The following PCGF5 variants were observed in gnomAD, a reference collection of about 807,000 sequenced individuals.
PCGF5 encodes polycomb group RING finger protein 5.
Under a neutral mutation model 44.3 loss-of-function variants are expected in PCGF5, and 9 were observed. That is an observed-to-expected ratio of 0.20 (90% CI 0.12 to 0.35). The LOEUF (loss-of-function observed/expected upper bound fraction) is 0.35. Among genes scored for constraint, PCGF5 ranks in the 10% least tolerant of loss-of-function variants. The pLI is 1.00. For synonymous variants in PCGF5, 95 were observed against 102.5 expected (o/e 0.93, Z 0.44); for missense variants, 146 against 305.3 (o/e 0.48, Z 3.89).
In PCGF5 at chr10:91,280,911, A is replaced by G. The variant is rs1846438178; in HGVS notation, c.*2595A>G. 6.6e-6 allele frequency: 1 copy of G among 152,540 alleles called. No homozygotes were observed. Among genetic ancestry groups the G allele is most frequent in the Non-Finnish European group, 1.5e-5 (1 of 67,918 alleles). 9.4% of individuals were successfully genotyped at this position (152,540 alleles called of 1,614,324 possible). On this transcript the variant is annotated 3_prime_UTR_variant, in exon 10 of 10. Transcript: ENST00000336126. ...GAATCATCTGAATCTGTAACATCAG[A>G]GACTAAAACTAAAAGTTTTCTTTAA...
intron 1 of PCGF5, among the ~76,000 whole-genome samples, chr10:91,174,372 C>T (rs575072990): frequency 3.3e-5 from 5 of 151,898 alleles, no homozygotes; most frequent in African/African-American, 4.8e-5. Flanking sequence ...ACAGGTGTGG[C>T]GGTGCATGCC....
At chr10:91,178,401 T>TC (rs1375543852) in intron 1 of PCGF5, among the ~76,000 whole-genome samples, 1 of 151,588 alleles carries the variant, frequency 6.6e-6, no homozygotes, top group Non-Finnish European at 1.5e-5. Context: ...TTTTCTTTTT[T>TC]TTTTTTGAGA....
chr10:91,169,284 T>A (rs1271865165), intron 1 of PCGF5, among the ~76,000 whole-genome samples: 2 of 152,102 alleles, frequency 1.3e-5, no homozygotes, highest in African/African-American at 4.8e-5. Context: ...TGTGGGAAAA[T>A]ATGGCAAAAT....
chr10:91,241,119 G>T (rs544484132), intron 3 of PCGF5, among the ~76,000 whole-genome samples: 4 of 150,820 alleles, frequency 2.7e-5, no homozygotes, highest in African/African-American at 9.7e-5. Context: ...TTGTTGCCCA[G>T]GCTGGAGTGC....
At chr10:91,271,564 A>C in intron 8 of PCGF5, 74 bp from the exon 9 acceptor site, 6 of 1,230,966 alleles carry the variant, frequency 4.9e-6, no homozygotes, top group Non-Finnish European at 7.1e-6. Flanking sequence ...ACGTTAAACT[A>C]TTTTAAATAA....
In PCGF5 at chr10:91,179,777, C is replaced by G. The variant is rs539732072; in HGVS notation, c.-184+16696C>G. 2.0e-5 allele frequency among the ~76,000 whole-genome samples: 3 copies of G among 152,236 alleles called. No individual in the cohort carries two copies. The South Asian group carries it at 6.2e-4, about 32-fold the overall frequency. On this transcript the variant is annotated intron_variant, in intron 1 of 9. Transcript: ENST00000614189. The stretch of plus-strand genomic sequence containing the variant: ...ATGGGCATTTAGTTTGATTCCATGT[C>G]TTTGCTACTGTGAATAGTGCTGTGA...
chr10:91,201,597 C>T (rs1178809374), intron 1 of PCGF5, among the ~76,000 whole-genome samples: 3 of 152,128 alleles, frequency 2.0e-5, no homozygotes, highest in Admixed American at 2.0e-4. Flanking sequence ...TCCCTCCACC[C>T]ACAGCCCCTG....
intron 2 of PCGF5, among the ~76,000 whole-genome samples, chr10:91,231,232 C>G (rs1217105246): frequency 6.6e-6 from 1 of 152,114 alleles, no homozygotes; most frequent in Non-Finnish European, 1.5e-5. Context: ...CATTACTAAG[C>G]ACTTTGTCTT....
chr10:91,275,790 T>G (rs1846299283), intron 9 of PCGF5, among the ~76,000 whole-genome samples: 1 of 152,138 alleles, frequency 6.6e-6, no homozygotes, highest in South Asian at 2.1e-4. Context: ...AAAGTGTTTA[T>G]CAAAAAGCTC....
intron 3 of PCGF5, among the ~76,000 whole-genome samples, chr10:91,248,278 G>T (rs1261785889): frequency 6.6e-6 from 1 of 152,116 alleles, no homozygotes; most frequent in Non-Finnish European, 1.5e-5. Flanking sequence ...ATGCTCAAGA[G>T]TCTGGATATA....
chr10:91,282,926 G>T lies in PCGF5; in HGVS notation c.*4610G>T, dbSNP rs1846488352. 6.6e-6 allele frequency: 1 copy of T among 152,356 alleles called. No homozygotes were observed. Among genetic ancestry groups the T allele is most frequent in the Admixed American group, 6.5e-5 (1 of 15,278 alleles). 9.4% of individuals were successfully genotyped at this position (152,356 alleles called of 1,614,324 possible). ...TTTGTAATATATATTCCTACAGTTT[G>T]GGTAGAAATAAGGAACATGTCTGCT... is the stretch of plus-strand genomic sequence containing the variant. On this transcript the variant is annotated 3_prime_UTR_variant, in exon 10 of 10. Coordinates refer to ENST00000336126, the MANE Select transcript of PCGF5 (RefSeq NM_032373.5).
chr10:91,194,663 G>A (rs1844095269), intron 1 of PCGF5, among the ~76,000 whole-genome samples: 1 of 152,148 alleles, frequency 6.6e-6, no homozygotes, highest in Admixed American at 6.5e-5. Context: ...GAGTCTGGAG[G>A]TGAGGAGAAA....
In PCGF5 at chr10:91,283,222, A is replaced by G. The variant is rs754796740; in HGVS notation, c.*4906A>G. 8 of 152,318 alleles carry G rather than the reference A, an allele frequency of 5.3e-5. No homozygotes were observed. In the South Asian group the frequency reaches 1.0e-3, roughly 20 times the overall value. 9.4% of individuals were successfully genotyped at this position (152,318 alleles called of 1,614,324 possible). A position where few individuals can be genotyped will look rare whatever the true frequency, so the allele number is the denominator to read the frequency against. On this transcript the variant is annotated 3_prime_UTR_variant, in exon 10 of 10. Transcript: ENST00000336126. The stretch of plus-strand genomic sequence containing the variant: ...TAAATAATGTTTACTTGCTTTCTTT[A>G]TATTTTCAAATAAAATTAAAATGCT...
At chr10:91,206,156 G>A (rs973562469) in intron 1 of PCGF5, among the ~76,000 whole-genome samples, 7 of 152,140 alleles carry the variant, frequency 4.6e-5, no homozygotes, top group Non-Finnish European at 7.3e-5. Context: ...GAACTACTAT[G>A]TGCCAAAGTC....
chr10:91,263,280 C>G (rs1179922651), intron 7 of PCGF5, among the ~76,000 whole-genome samples: 1 of 151,768 alleles, frequency 6.6e-6, no homozygotes, highest in East Asian at 1.9e-4. Context: ...AAGTGAGACC[C>G]TTTACTTTGC....
At chr10:91,261,493 T>C in intron 7 of PCGF5, 69 bp downstream of exon 7, 1 of 1,325,954 alleles carries the variant, frequency 7.5e-7, no homozygotes, top group Admixed American at 3.1e-5. Context: ...CTAACAAAAG[T>C]GAAAACTGAG....
intron 9 of PCGF5, among the ~76,000 whole-genome samples, chr10:91,274,322 T>G (rs1846255066): frequency 6.6e-6 from 1 of 152,210 alleles, no homozygotes; most frequent in Non-Finnish European, 1.5e-5. Flanking sequence ...AGAGGGAATG[T>G]GTACTACCAC....
chr10:91,252,190 G>A (rs1845637306), intron 6 of PCGF5, among the ~76,000 whole-genome samples: 1 of 151,730 alleles, frequency 6.6e-6, no homozygotes. Flanking sequence ...CTTTATCCTA[G>A]CAAATGTCAG....
chr10:91,209,796 G>A (rs1469013778), intron 1 of PCGF5, among the ~76,000 whole-genome samples: 373 of 482 alleles, frequency 0.77, 151 homozygotes, highest in Admixed American at 0.92. Flanking sequence ...AAAAAAAAAA[G>A]AAAAACGAAG....
Sources: allele counts gnomAD v4.1 joint callset (sites outside exome capture counted in the v4.1 genomes callset), GRCh38; gene constraint gnomAD v4.1.1; transcripts MANE v1.5; gene names NCBI Gene and HGNC (gene_info 2026-07-23, HGNC 2026-07-21).